EHHADH: variants seen among roughly 807,000 people sequenced by gnomAD.
EHHADH encodes peroxisomal bifunctional enzyme.
EHHADH carries 48 observed loss-of-function variants against 64.4 expected under a neutral mutation model. The observed-to-expected ratio is 0.75, with a 90% CI of 0.59 to 0.95. EHHADH has a LOEUF of 0.95. Ranked by LOEUF, EHHADH falls within the 40% of genes least tolerant of loss-of-function variation. The pLI is 0.00. For missense variants in EHHADH, 854 were observed against 876.6 expected (o/e 0.97, Z 0.33); for synonymous variants, 308 against 326.7 (o/e 0.94, Z 0.62).
At position 185,251,608 on chromosome 3, in the gene EHHADH, A is replaced by ATGTG. The variant is rs3072431; in HGVS notation, c.74+2337_74+2340dup. On this transcript the variant is annotated intron_variant, in intron 1 of 6. Coordinates refer to ENST00000231887, the MANE Select transcript of EHHADH (RefSeq NM_001966.4). ...TATTTGTTTTGGGGAAAAAATTTAT[A>ATGTG]TGTGTGTGTGTGTGTGTGTGTGTGT... 7.6e-3 allele frequency among the ~76,000 whole-genome samples: 1,130 copies of ATGTG among 149,302 alleles called. 12 individuals are homozygous for ATGTG. Among genetic ancestry groups the ATGTG allele is most frequent in the African/African-American group, 0.026 (1,065 of 40,654 alleles).
At chr3:185,213,119 C>CAACA (rs1718590345) in intron 5 of EHHADH, among the ~76,000 whole-genome samples, 4 of 43,038 alleles carry the variant, frequency 9.3e-5, no homozygotes, top group Non-Finnish European at 1.6e-4. Flanking sequence ...GACTCTGTCT[C>CAACA]AAAAAAAAAA....
At chr3:185,207,788 T>G (rs1295542617) in intron 5 of EHHADH, among the ~76,000 whole-genome samples, 1 of 152,254 alleles carries the variant, frequency 6.6e-6, no homozygotes, top group African/African-American at 2.4e-5. Flanking sequence ...TGTGGTAATT[T>G]TTTAGCACAG....
At chr3:185,228,859 A>C (rs777695051) in intron 4 of EHHADH, among the ~76,000 whole-genome samples, 1 of 151,734 alleles carries the variant, frequency 6.6e-6, no homozygotes, top group Non-Finnish European at 1.5e-5. Context: ...GCTGGAGTGC[A>C]GTGGCGTAGT....
At chr3:185,246,105 C>A in intron 2 of EHHADH, 3 of 1,274,470 alleles carry the variant, frequency 2.4e-6, no homozygotes, top group Non-Finnish European at 3.4e-6. Flanking sequence ...CAAGGTCATC[C>A]TCTGGTTCAG....
In EHHADH at chr3:185,193,504, A is replaced by G. The variant is rs1717973776; in HGVS notation, c.911-17T>C. 1 of 1,609,548 alleles carries G rather than the reference A, an allele frequency of 6.2e-7. No individual in the cohort carries two copies. Among genetic ancestry groups the G allele is most frequent in the East Asian group, 2.2e-5 (1 of 44,864 alleles). ...TTCCCAAGCCTGCAGATAAAAATCA[A>G]AGGAGAAAAAGAATGATTCAGTGGT... On this transcript the variant is annotated splice_polypyrimidine_tract_variant and intron_variant, in intron 6 of 6. Coordinates refer to ENST00000231887, the MANE Select transcript of EHHADH (RefSeq NM_001966.4).
intron 5 of EHHADH, among the ~76,000 whole-genome samples, chr3:185,205,744 C>T (rs1385255539): frequency 1.3e-5 from 2 of 152,120 alleles, no homozygotes; most frequent in Non-Finnish European, 2.9e-5. Flanking sequence ...CAGAAGTTGA[C>T]GTGAGGTTGG....
intron 1 of EHHADH, among the ~76,000 whole-genome samples, chr3:185,250,612 A>C (rs1280984971): frequency 6.6e-6 from 1 of 152,220 alleles, no homozygotes; most frequent in African/African-American, 2.4e-5. Context: ...AAAACAAAAC[A>C]AACAACAACA....
At chr3:185,248,139 G>A (rs2108652797) in intron 2 of EHHADH, 1 of 314,632 alleles carries the variant, frequency 3.2e-6, no homozygotes, top group East Asian at 5.7e-5. Context: ...GGAGATACAT[G>A]CAATGCAGGT....
chr3:185,240,208 T>C (rs1436977961), intron 2 of EHHADH, among the ~76,000 whole-genome samples: 2 of 151,334 alleles, frequency 1.3e-5, no homozygotes, highest in East Asian at 3.9e-4. Flanking sequence ...ATCAGTTATA[T>C]TGGCCTTTAG....
At chr3:185,220,046 G>C (rs74969402) in intron 4 of EHHADH, among the ~76,000 whole-genome samples, 3,099 of 152,192 alleles carry the variant, frequency 0.02, 94 homozygotes, top group African/African-American at 0.071. Context: ...AGGAGAGAGT[G>C]AATCAGCCTA....
chr3:185,218,548 A>G (rs937854280), intron 4 of EHHADH, among the ~76,000 whole-genome samples: 7 of 152,194 alleles, frequency 4.6e-5, no homozygotes, highest in Non-Finnish European at 1.5e-5. Flanking sequence ...CTGAGTATTA[A>G]GTGAGAATAA....
chr3:185,222,632 G>A (rs1412603542), intron 4 of EHHADH, among the ~76,000 whole-genome samples: 4 of 152,122 alleles, frequency 2.6e-5, no homozygotes, highest in Non-Finnish European at 5.9e-5. Context: ...AATCTGTTGT[G>A]ATATCACAAG....
At chr3:185,220,936 T>TCTTTAAC (rs1718816632) in intron 4 of EHHADH, among the ~76,000 whole-genome samples, 1 of 152,230 alleles carries the variant, frequency 6.6e-6, no homozygotes, top group South Asian at 2.1e-4. Context: ...AAGACAGGTG[T>TCTTTAAC]ATAATTCTAA....
chr3:185,198,935 T>TA (rs11335561), intron 6 of EHHADH, among the ~76,000 whole-genome samples: 26 of 151,286 alleles, frequency 1.7e-4, no homozygotes, highest in Admixed American at 5.9e-4. Context: ...AAACTGTTAT[T>TA]AAAAAAAAAC....
intron 2 of EHHADH, among the ~76,000 whole-genome samples, chr3:185,236,143 A>G (rs988375160): frequency 2.6e-5 from 4 of 152,184 alleles, no homozygotes; most frequent in Non-Finnish European, 4.4e-5. Context: ...TATAGCCATA[A>G]TTTAATATTT....
chr3:185,199,434 C>T (rs560105457), intron 6 of EHHADH, among the ~76,000 whole-genome samples: 14 of 152,202 alleles, frequency 9.2e-5, no homozygotes, highest in African/African-American at 3.4e-4. Flanking sequence ...CTAAAATCTC[C>T]CACAAGATCC....
intron 5 of EHHADH, among the ~76,000 whole-genome samples, chr3:185,209,153 G>A (rs1013314077): frequency 6.6e-6 from 1 of 152,068 alleles, no homozygotes; most frequent in Non-Finnish European, 1.5e-5. Context: ...CTGTTAAAGT[G>A]TATCTAGAAA....
intron 2 of EHHADH, among the ~76,000 whole-genome samples, chr3:185,247,411 A>G (rs1365696630): frequency 1.3e-5 from 2 of 152,168 alleles, no homozygotes; most frequent in African/African-American, 4.8e-5. Context: ...ACAGTGAGTA[A>G]GCCATTTAAT....
At chr3:185,245,471 T>C (rs973740690) in intron 2 of EHHADH, 12 of 979,102 alleles carry the variant, frequency 1.2e-5, no homozygotes, top group Non-Finnish European at 1.8e-5. Flanking sequence ...TAGTTAGCTT[T>C]GGCACAGGGC....
Sources: allele counts gnomAD v4.1 joint callset (sites outside exome capture counted in the v4.1 genomes callset), GRCh38; gene constraint gnomAD v4.1.1; transcripts MANE v1.5; gene names NCBI Gene and HGNC (gene_info 2026-07-23, HGNC 2026-07-21).